Variants in CLIC5 observed in about 807,000 individuals in gnomAD.
CLIC5 encodes CLIC family member 5.
Under a neutral mutation model 24.7 loss-of-function variants are expected in CLIC5, and 20 were observed. The observed-to-expected ratio is 0.81, with a 90% CI of 0.57 to 1.18. The LOEUF is 1.18. CLIC5 is among the 50% of genes most tolerant of loss of function. CLIC5 has a pLI of 0.00. For missense variants in CLIC5, 341 were observed against 326.1 expected (o/e 1.05, Z -0.35); for synonymous variants, 159 against 135.6 (o/e 1.17, Z -1.20).
At chr6:46,088,161 C>CTGTGTGTGTGTT in the CLIC5 span, among the ~76,000 whole-genome samples, 1 of 146,340 alleles carries the variant, frequency 6.8e-6, no homozygotes, top group African/African-American at 2.5e-5. Flanking sequence ...CGCTCTCTTT[C>CTGTGTGTGTGTT]TGTGTGTGTG....
chr6:45,935,483 T>C (rs1239527507), intron 4 of CLIC5, among the ~76,000 whole-genome samples: 1 of 152,204 alleles, frequency 6.6e-6, no homozygotes, highest in African/African-American at 2.4e-5. Context: ...GGGGCATGGA[T>C]GACACTGTGC....
At chr6:45,920,369 G>T in intron 4 of CLIC5, 1 of 857,192 alleles carries the variant, frequency 1.2e-6, no homozygotes. Flanking sequence ...TTTTTCCTAG[G>T]AGGAAAGAAA....
At chr6:45,994,033 T>A (rs7773297) in intron 1 of CLIC5, among the ~76,000 whole-genome samples, 1 of 151,922 alleles carries the variant, frequency 6.6e-6, no homozygotes, top group Admixed American at 6.6e-5. Flanking sequence ...AGCTTTTTTC[T>A]TGAGATTGAC....
chr6:46,079,949 C>G (rs1385865947), exon 1 of CLIC5: 3 of 1,551,722 alleles, frequency 1.9e-6, no homozygotes, highest in Non-Finnish European at 2.6e-6. Context: ...CCTCCTGGGG[C>G]TCACCTGGAT....
chr6:45,907,954 C>T (rs552838495), intron 5 of CLIC5, among the ~76,000 whole-genome samples: 14 of 152,094 alleles, frequency 9.2e-5, no homozygotes, highest in East Asian at 3.9e-4. Flanking sequence ...TGAATAGGAG[C>T]GGTGAGTGGG....
intron 1 of CLIC5, among the ~76,000 whole-genome samples, chr6:46,042,578 C>T (rs1041182222): frequency 6.6e-6 from 1 of 152,162 alleles, no homozygotes; most frequent in African/African-American, 2.4e-5. Context: ...CTCTGAAAAA[C>T]CCTAGAGGGT....
At chr6:45,897,674 G>T (rs1034196336), downstream of CLIC5, among the ~76,000 whole-genome samples, 6 of 152,184 alleles carry the variant, frequency 3.9e-5, 1 homozygote, top group Middle Eastern at 0.014. Context: ...TTCATCAGAC[G>T]TCACATTGGC....
chr6:45,976,299 T>C (rs568270318), intron 1 of CLIC5, among the ~76,000 whole-genome samples: 7 of 152,206 alleles, frequency 4.6e-5, no homozygotes, highest in Non-Finnish European at 1.0e-4. Flanking sequence ...AAAGTGTCCT[T>C]TCATTTTTAT....
At chr6:46,009,502 T>G (rs924175078) in intron 1 of CLIC5, among the ~76,000 whole-genome samples, 1 of 152,156 alleles carries the variant, frequency 6.6e-6, no homozygotes, top group East Asian at 1.9e-4. Context: ...AGGAAACTCA[T>G]GCTTAACCAC....
chr6:45,903,223 G>T lies in CLIC5; in HGVS notation c.621C>A (p.Ile207=). The change falls in exon 6 of 6, where the codon ATC becomes ATA. Residue 207 remains isoleucine, a synonymous_variant. Coordinates refer to ENST00000339561, the MANE Select transcript of CLIC5 (RefSeq NM_016929.5). ...GCCACAGGCCTGTCATCTCAGCCGGGATATCATAGTTGCGGTATTTCTTGG... is the reference window on the plus strand; with the variant it reads ...GCCACAGGCCTGTCATCTCAGCCGGTATATCATAGTTGCGGTATTTCTTGG... ...IVAKKYRNYD[I]PAEMTGLWRY... is the part of the protein sequence containing the mutation. The T allele has an allele frequency of 6.2e-7, 1 of 1,608,050 alleles. No individual in the cohort carries two copies. The highest frequency in any genetic ancestry group is 8.5e-7 in the Non-Finnish European group (1 of 1,177,266).
At chr6:46,045,865 A>G (rs1252858499) in intron 1 of CLIC5, among the ~76,000 whole-genome samples, 1 of 152,220 alleles carries the variant, frequency 6.6e-6, no homozygotes, top group Non-Finnish European at 1.5e-5. Context: ...ATGAAATAGT[A>G]TTCATGCAAT....
intron 1 of CLIC5, among the ~76,000 whole-genome samples, chr6:45,999,491 T>A (rs182659131): frequency 6.6e-6 from 1 of 152,238 alleles, no homozygotes; most frequent in African/African-American, 2.4e-5. Context: ...ATCCTGTATA[T>A]TATGTGTGTG....
At chr6:46,119,129 C>T in the CLIC5 span, among the ~76,000 whole-genome samples, 1 of 152,218 alleles carries the variant, frequency 6.6e-6, no homozygotes, top group African/African-American at 2.4e-5. Context: ...CTGACCCATT[C>T]TCAGCTTCTG....
chr6:45,948,384 G>A (rs911522505), intron 3 of CLIC5, among the ~76,000 whole-genome samples: 3 of 152,002 alleles, frequency 2.0e-5, no homozygotes, highest in Non-Finnish European at 4.4e-5. Context: ...TCTATCTCCA[G>A]CTTCATGGTC....
At chr6:45,986,251 C>T (rs1049748986) in intron 1 of CLIC5, among the ~76,000 whole-genome samples, 6 of 152,184 alleles carry the variant, frequency 3.9e-5, no homozygotes, top group African/African-American at 1.4e-4. Flanking sequence ...TCATTGATTT[C>T]CCCAGCATCA....
chr6:46,040,556 G>GTGA (rs1291918139), intron 1 of CLIC5, among the ~76,000 whole-genome samples: 1 of 151,976 alleles, frequency 6.6e-6, no homozygotes, highest in Non-Finnish European at 1.5e-5. Context: ...ATTGATAAAG[G>GTGA]TGATAATGAT....
intron 5 of CLIC5, among the ~76,000 whole-genome samples, chr6:45,904,516 C>A (rs80107703): frequency 2.0e-5 from 3 of 151,202 alleles, no homozygotes; most frequent in South Asian, 2.1e-4. Flanking sequence ...TAAACAGGGC[C>A]CCCCTGTTTT....
At chr6:45,973,561 C>T (rs959363829) in intron 1 of CLIC5, among the ~76,000 whole-genome samples, 1 of 151,958 alleles carries the variant, frequency 6.6e-6, no homozygotes, top group Non-Finnish European at 1.5e-5. Flanking sequence ...TGAATTAAAC[C>T]CTGTAGATAT....
chr6:46,000,841 G>A (rs1766329365), intron 1 of CLIC5, among the ~76,000 whole-genome samples: 1 of 152,146 alleles, frequency 6.6e-6, no homozygotes, highest in Admixed American at 6.5e-5. Flanking sequence ...AATTCAAGGT[G>A]AGATTTGGGT....
Sources: gnomAD v4.1 joint callset for allele counts (sites outside exome capture counted in the v4.1 genomes callset) on GRCh38, gnomAD v4.1.1 for gene constraint, MANE v1.5 for transcripts, NCBI Gene and HGNC (gene_info 2026-07-23, HGNC 2026-07-21) for gene names.